Variants in XNDC1N observed in about 807,000 individuals in gnomAD.
XNDC1N encodes the protein protein XNDC1N.
chr11:71,872,980 T>C, the XNDC1N span, among the ~76,000 whole-genome samples: 23 of 152,324 alleles, frequency 1.5e-4, no homozygotes, highest in African/African-American at 5.5e-4. Context: ...TTTTCTTCCC[T>C]GTATTATTTT....
the XNDC1N span, chr11:71,919,132 A>G: frequency 1.6e-6 from 1 of 640,564 alleles, no homozygotes; most frequent in Admixed American, 2.4e-5. Flanking sequence ...CAGTCATCCT[A>G]ACATGATAGA....
the XNDC1N span, among the ~76,000 whole-genome samples, chr11:71,923,806 C>T: frequency 2.0e-5 from 3 of 152,046 alleles, no homozygotes; most frequent in South Asian, 2.1e-4. Flanking sequence ...CCACCCGCCT[C>T]GGACTCCCAA....
chr11:71,915,701 G>A, the XNDC1N span, among the ~76,000 whole-genome samples: 38 of 49,116 alleles, frequency 7.7e-4, no homozygotes, highest in African/African-American at 1.3e-3. Flanking sequence ...AACTACACGG[G>A]AGCTTTGGGA....
the XNDC1N span, among the ~76,000 whole-genome samples, chr11:71,891,215 C>A: frequency 9.0e-4 from 136 of 151,690 alleles, no homozygotes; most frequent in Non-Finnish European, 1.4e-3. Context: ...GTGGTGTACC[C>A]CCCCTGCGAT....
At chr11:71,910,505 C>G in the XNDC1N span, among the ~76,000 whole-genome samples, 1 of 152,160 alleles carries the variant, frequency 6.6e-6, no homozygotes, top group South Asian at 2.1e-4. Flanking sequence ...AGAAGTTTCC[C>G]AGGAGAGACC....
chr11:71,904,179 CA>C, the XNDC1N span: 1 of 425,154 alleles, frequency 2.4e-6, no homozygotes, highest in African/African-American at 2.0e-5. Flanking sequence ...AAAAAGGCAG[CA>C]AGGTCAAATA....
At chr11:71,888,087 A>G in the XNDC1N span, among the ~76,000 whole-genome samples, 1 of 152,104 alleles carries the variant, frequency 6.6e-6, no homozygotes, top group South Asian at 2.1e-4. Context: ...TAGTAGGTTG[A>G]TGACCTTCTG....
the XNDC1N span, among the ~76,000 whole-genome samples, chr11:71,905,473 C>T: frequency 3.3e-3 from 496 of 151,902 alleles, no homozygotes; most frequent in Non-Finnish European, 4.8e-3. Context: ...TGTGACATTA[C>T]GGTAACATCT....
the XNDC1N span, chr11:71,903,643 T>C: frequency 1.2e-5 from 5 of 434,208 alleles, no homozygotes. Flanking sequence ...GTCCTTGTTT[T>C]TTTTTTCTTT....
At chr11:71,899,906 G>A in the XNDC1N span, among the ~76,000 whole-genome samples, 7 of 147,600 alleles carry the variant, frequency 4.7e-5, no homozygotes, top group Non-Finnish European at 7.6e-5. Context: ...TGAATGTCTC[G>A]GTATAAAACC....
chr11:71,903,113 C>T, the XNDC1N span: 7 of 618,578 alleles, frequency 1.1e-5, no homozygotes, highest in African/African-American at 9.1e-5. Context: ...AATGCAGACA[C>T]AATGCTGGGT....
At chr11:71,913,861 C>A in the XNDC1N span, among the ~76,000 whole-genome samples, 1 of 152,148 alleles carries the variant, frequency 6.6e-6, no homozygotes, top group Non-Finnish European at 1.5e-5. Context: ...GAGAATTATG[C>A]TGAATCTACT....
At chr11:71,901,760 G>A in the XNDC1N span, among the ~76,000 whole-genome samples, 1 of 152,032 alleles carries the variant, frequency 6.6e-6, no homozygotes, top group Non-Finnish European at 1.5e-5. Flanking sequence ...CATCCTCTGA[G>A]ACTCACCACT....
At chr11:71,896,294 A>G in the XNDC1N span, among the ~76,000 whole-genome samples, 1 of 152,234 alleles carries the variant, frequency 6.6e-6, no homozygotes, top group Non-Finnish European at 1.5e-5. Context: ...TGCACACAAA[A>G]GGAATCTCAA....
chr11:71,913,089 T>C, the XNDC1N span, among the ~76,000 whole-genome samples: 2 of 152,076 alleles, frequency 1.3e-5, no homozygotes, highest in African/African-American at 2.4e-5. Context: ...AACAATATTA[T>C]AGGAGGGGTG....
At chr11:71,913,313 A>T in the XNDC1N span, among the ~76,000 whole-genome samples, 1 of 152,004 alleles carries the variant, frequency 6.6e-6, no homozygotes, top group African/African-American at 2.4e-5. Flanking sequence ...GAAGATTTTC[A>T]CAGGGGTGTG....
the XNDC1N span, among the ~76,000 whole-genome samples, chr11:71,912,084 AGTT>A: frequency 6.6e-6 from 1 of 152,148 alleles, no homozygotes; most frequent in African/African-American, 2.4e-5. Context: ...TCACTGGAAA[AGTT>A]GTTAGGCTGG....
chr11:71,877,779 G>A, the XNDC1N span, among the ~76,000 whole-genome samples: 10 of 152,144 alleles, frequency 6.6e-5, no homozygotes, highest in Non-Finnish European at 1.5e-4. Context: ...AAATATGCTC[G>A]TGTTGCATTG....
At chr11:71,896,969 C>T in the XNDC1N span, among the ~76,000 whole-genome samples, 219 of 152,314 alleles carry the variant, frequency 1.4e-3, 2 homozygotes, top group Non-Finnish European at 2.5e-3. Context: ...GCTAAGAAAG[C>T]TCATTGGTGG....
Sources: gnomAD v4.1 joint callset for allele counts (sites outside exome capture counted in the v4.1 genomes callset) on GRCh38, gnomAD v4.1.1 for gene constraint, MANE v1.5 for transcripts, NCBI Gene and HGNC (gene_info 2026-07-23, HGNC 2026-07-21) for gene names.